Variants in VCAN observed in about 807,000 individuals in gnomAD.
VCAN encodes the protein versican core protein.
VCAN carries 44 observed loss-of-function variants against 245.5 expected under a neutral mutation model. That is an observed-to-expected ratio of 0.18 (90% CI 0.14 to 0.23). The LOEUF (loss-of-function observed/expected upper bound fraction) is 0.23. Ranked by LOEUF, VCAN falls within the 10% of genes least tolerant of loss-of-function variation. The probability of loss-of-function intolerance (pLI) is 1.00; values close to 1 mark genes in which losing one functional copy is unlikely to be tolerated. For synonymous variants in VCAN, 1,413 were observed against 1,437.0 expected, an observed-to-expected ratio of 0.98 and a Z score of 0.38; for missense variants, 3,793 against 4,057.9, an observed-to-expected ratio of 0.93 and a Z score of 1.77.
At chr5:83,497,943 C>T (rs1269061973) in intron 5 of VCAN, among the ~76,000 whole-genome samples, 1 of 152,090 alleles carries the variant, frequency 6.6e-6, no homozygotes, top group African/African-American at 2.4e-5. Context: ...CATTGTTGAC[C>T]CACTTAGTTT....
rs58804437 is a variant in VCAN, at chr5:83,528,989, TACAC to T, written c.4003+6714_4003+6717del. Among the ~76,000 whole-genome samples, 1,078 of 141,496 alleles carry T rather than the reference TACAC, an allele frequency of 7.6e-3. 12 individuals carry two copies. Among genetic ancestry groups the T allele is most frequent in the African/African-American group, 0.018 (681 of 37,980 alleles). 92.8% of individuals were successfully genotyped at this position (141,496 alleles called of 152,430 possible). On this transcript the variant is annotated intron_variant, in intron 7 of 14. Coordinates refer to ENST00000265077, the MANE Select transcript of VCAN (RefSeq NM_004385.5). Reference sequence around the variant, plus strand: ...AATCACAGGGTTTATGAAACAAAGATACACACACACACACACACACACACACACA... The same window carrying T: ...AATCACAGGGTTTATGAAACAAAGATACACACACACACACACACACACACA...
chr5:83,538,447 C>T lies in VCAN; in HGVS notation c.5444C>T (p.Pro1815Leu), dbSNP rs747788596. 6.2e-6 allele frequency: 10 copies of T among 1,613,958 alleles called. No individual in the cohort carries two copies. The highest frequency in any genetic ancestry group is 8.5e-6 in the Non-Finnish European group (10 of 1,179,964). ...QTTEHSSIHQ[P>L]GVQEGLTTLP... ...ACTGAGCACAGCAGTATCCATCAACCTGGGGTTCAGGAAGGGCTGACCACT... is the reference window on the plus strand; with the variant it reads ...ACTGAGCACAGCAGTATCCATCAACTTGGGGTTCAGGAAGGGCTGACCACT... Residue 1815 changes from proline to leucine, a missense_variant, in exon 8 of 15, where the codon CCT becomes CTT. Pro to Leu is a moderately conservative substitution (Grantham distance 98). Transcript: ENST00000265077.
chr5:83,497,839 G>T (rs1745207695), intron 5 of VCAN, among the ~76,000 whole-genome samples: 1 of 152,126 alleles, frequency 6.6e-6, no homozygotes, highest in Admixed American at 6.6e-5. Flanking sequence ...CCTGATGGTA[G>T]CAGATACTTT....
chr5:83,574,155 C>T (rs994891747), intron 13 of VCAN, among the ~76,000 whole-genome samples: 1 of 152,024 alleles, frequency 6.6e-6, no homozygotes, highest in African/African-American at 2.4e-5. Context: ...CCTTCTGTAT[C>T]TGTTCTCTCT....
Position 83,541,488 on chromosome 5 carries a change from C to G in VCAN, c.8485C>G (p.Leu2829Val), listed in dbSNP as rs775247871. The change falls in exon 8 of 15, where the codon CTC becomes GTC. Residue 2829 changes from leucine to valine, a missense_variant. By Grantham distance (32) the Leu-to-Val change is conservative. Coordinates refer to ENST00000265077, the MANE Select transcript of VCAN (RefSeq NM_004385.5). ...KLSSQTPSSP[L>V]TIYSGSEASG... Reference sequence around the variant, plus strand: ...GTCTTCTCAGACACCATCATCTCCCCTCACTATCTACTCAGGCAGTGAAGC... The same window carrying G: ...GTCTTCTCAGACACCATCATCTCCCGTCACTATCTACTCAGGCAGTGAAGC... 7 of 1,614,066 alleles carry G rather than the reference C, an allele frequency of 4.3e-6. No homozygotes were observed. The highest frequency in any genetic ancestry group is 4.2e-6 in the Non-Finnish European group (5 of 1,180,014).
At chr5:83,559,428 C>T (rs1390165521) in intron 12 of VCAN, among the ~76,000 whole-genome samples, 1 of 152,128 alleles carries the variant, frequency 6.6e-6, no homozygotes, top group African/African-American at 2.4e-5. Context: ...CCAATCCACT[C>T]CGTCTGCCAC....
intron 7 of VCAN, among the ~76,000 whole-genome samples, chr5:83,529,397 A>G (rs958183580): frequency 1.3e-5 from 2 of 151,574 alleles, no homozygotes; most frequent in Non-Finnish European, 2.9e-5. Flanking sequence ...AATAACACAA[A>G]TAAAAACCCA....
At chr5:83,576,685 C>T (rs1220477446) in intron 13 of VCAN, among the ~76,000 whole-genome samples, 2 of 152,056 alleles carry the variant, frequency 1.3e-5, no homozygotes, top group Non-Finnish European at 2.9e-5. Context: ...TCACTCCCAC[C>T]AACAATCTGT....
At chr5:83,570,859 T>G (rs1748262014) in intron 12 of VCAN, among the ~76,000 whole-genome samples, 1 of 151,354 alleles carries the variant, frequency 6.6e-6, no homozygotes, top group Non-Finnish European at 1.5e-5. Flanking sequence ...CATTCACTGA[T>G]GCTCTGAATT....
rs766300338 is a variant in VCAN at position 83,540,501 on chromosome 5, C to G, written c.7498C>G (p.Pro2500Ala). The change falls in exon 8 of 15, where the codon CCT (proline) becomes GCT (alanine). Residue 2500 changes from proline to alanine, a missense_variant. Around this residue, in one of 5 missense-constraint regions of VCAN, gnomAD observed 3,182 missense variants for 3,250.3 expected, o/e 0.98. Coordinates refer to ENST00000265077, the MANE Select transcript of VCAN (RefSeq NM_004385.5). The stretch of plus-strand genomic sequence containing the variant: ...TCATTCAGAGCAGAACAAAAGCTCC[C>G]CTGATCCAACTAGCACACTGTCAAA... Reference protein sequence around the residue: ...PLHSEQNKSSPDPTSTLSNTV... With the variant: ...PLHSEQNKSSADPTSTLSNTV... 59 of 1,613,796 alleles carry G rather than the reference C, an allele frequency of 3.7e-5. No homozygotes were observed. The Middle Eastern group carries it at 1.2e-3, about 31-fold the overall frequency.
chr5:83,473,572 T>C (rs932716010), intron 1 of VCAN, among the ~76,000 whole-genome samples: 4 of 152,060 alleles, frequency 2.6e-5, no homozygotes, highest in African/African-American at 9.7e-5. Flanking sequence ...GAATGGCTAG[T>C]GTGAAATCCC....
Position 83,471,798 on chromosome 5 carries a change from C to A in VCAN, c.-232C>A. Reference sequence around the variant, plus strand: ...AGCCTTTCTGGGGAAGAACTCCAGGCGTGCGGACGCAACAGCCGAGAACAT... The same window carrying A: ...AGCCTTTCTGGGGAAGAACTCCAGGAGTGCGGACGCAACAGCCGAGAACAT... On this transcript the variant is annotated 5_prime_UTR_variant, in exon 1 of 15. Transcript: ENST00000265077. The A allele has an allele frequency of 2.5e-6, 1 of 398,820 alleles. No homozygotes were observed. The highest frequency in any genetic ancestry group is 4.4e-6 in the Non-Finnish European group (1 of 226,240). 24.7% of individuals were successfully genotyped at this position (398,820 alleles called of 1,614,324 possible).
In VCAN at chr5:83,490,319, A is replaced by G; in HGVS notation, c.292A>G (p.Lys98Glu). 17 of 1,614,194 alleles carry G rather than the reference A, an allele frequency of 1.1e-5. No individual in the cohort carries two copies. Among genetic ancestry groups the G allele is most frequent in the Non-Finnish European group, 1.3e-5 (15 of 1,180,030 alleles). Residue 98 changes from lysine to glutamate, a missense_variant, in exon 3 of 15, where the codon AAA (lysine) becomes GAA (glutamate). By Grantham distance (56) the Lys-to-Glu change is moderately conservative. Around this residue, in one of 5 missense-constraint regions of VCAN, gnomAD observed 179 missense variants for 169.7 expected, o/e 1.05. Coordinates refer to ENST00000265077, the MANE Select transcript of VCAN (RefSeq NM_004385.5). The part of the protein sequence containing the change: ...NGNIKIGQDY[K>E]GRVSVPTHPE... Reference sequence around the variant, plus strand: ...AAATATCAAGATTGGTCAGGACTACAAAGGGAGAGTGTCTGTGCCCACACA... The same window carrying G: ...AAATATCAAGATTGGTCAGGACTACGAAGGGAGAGTGTCTGTGCCCACACA...
chr5:83,524,894 G>A (rs1030847882), intron 7 of VCAN, among the ~76,000 whole-genome samples: 16 of 152,000 alleles, frequency 1.1e-4, no homozygotes, highest in Non-Finnish European at 1.6e-4. Flanking sequence ...AAAGTCCTTG[G>A]TGCATGTGTG....
chr5:83,520,353 A>G lies in VCAN; in HGVS notation c.2047A>G (p.Arg683Gly). 6.2e-7 allele frequency: 1 copy of G among 1,612,598 alleles called. No homozygotes were observed. The highest frequency in any genetic ancestry group is 8.5e-7 in the Non-Finnish European group (1 of 1,179,472). Residue 683 changes from arginine (R) to glycine (G), a missense_variant, in exon 7 of 15, where the codon AGA (arginine) becomes GGA (glycine). Physicochemically the swap from Arg to Gly is moderately radical, Grantham distance 125. Coordinates refer to ENST00000265077, the MANE Select transcript of VCAN (RefSeq NM_004385.5). ...TTCTCTACAAACAGAAATGACACAT[A>G]GAAGAGAAAGAACAGAAACACTAAT... ...YPSLQTEMTH[R>G]RERTETLIPE...
chr5:83,496,229 A>G (rs1202800793), intron 5 of VCAN, among the ~76,000 whole-genome samples: 1 of 152,214 alleles, frequency 6.6e-6, no homozygotes, highest in Non-Finnish European at 1.5e-5. Flanking sequence ...ATGTATGCAT[A>G]TCTCCCATGA....
intron 6 of VCAN, among the ~76,000 whole-genome samples, chr5:83,518,670 A>G (rs1379559992): frequency 6.6e-6 from 1 of 152,238 alleles, no homozygotes; most frequent in Non-Finnish European, 1.5e-5. Context: ...ACAAATCTAC[A>G]CCATGAAGTT....
At position 83,519,916 on chromosome 5, in the gene VCAN, G is replaced by A. The variant is rs2112407731; in HGVS notation, c.1610G>A (p.Ser537Asn). ...LESKTEKKMV[S>N]TVSELVTTGH... is the part of the protein sequence containing the mutation. ...TCCAAAACTGAAAAGAAAATGGTAA[G>A]CACTGTTTCTGAATTGGTAACCACA... The change falls in exon 7 of 15, where the codon AGC becomes AAC. Residue 537 changes from serine to asparagine, a missense_variant. Transcript: ENST00000265077. 6.2e-7 allele frequency: 1 copy of A among 1,614,090 alleles called. No individual in the cohort carries two copies. Among genetic ancestry groups the A allele is most frequent in the East Asian group, 2.2e-5 (1 of 44,880 alleles).
chr5:83,570,291 T>G (rs1377452526), intron 12 of VCAN, among the ~76,000 whole-genome samples: 1 of 152,054 alleles, frequency 6.6e-6, no homozygotes, highest in East Asian at 1.9e-4. Context: ...AACAACTTCC[T>G]TAAGGGTCTC....
Sources: allele counts gnomAD v4.1 joint callset (sites outside exome capture counted in the v4.1 genomes callset), GRCh38; gene constraint gnomAD v4.1.1; regional missense constraint gnomAD v4.1.1; transcripts MANE v1.5; gene names NCBI Gene and HGNC (gene_info 2026-07-23, HGNC 2026-07-21).